EEA1: variants seen among roughly 807,000 people sequenced by gnomAD.
EEA1 encodes early endosome antigen 1, also known as early endosome antigen 1, 162kD.
EEA1 carries 111 observed loss-of-function variants against 209.2 expected under a neutral mutation model. The ratio of observed to expected loss-of-function variants is 0.53; its 90% CI spans 0.45 to 0.62. The LOEUF is 0.62. Among genes scored for constraint, EEA1 ranks in the 20% least tolerant of loss-of-function variants. The pLI is 0.00. For synonymous variants in EEA1, 536 were observed against 540.6 expected (o/e 0.99, Z 0.12); for missense variants, 1,343 against 1,530.8 (o/e 0.88, Z 2.05).
At chr12:92,834,262 G>T (rs1023481811) in intron 10 of EEA1, among the ~76,000 whole-genome samples, 2 of 152,016 alleles carry the variant, frequency 1.3e-5, no homozygotes, top group African/African-American at 4.8e-5. Flanking sequence ...GTATAAGAGA[G>T]GCCAGGTGCA....
intron 1 of EEA1, among the ~76,000 whole-genome samples, chr12:92,899,780 G>C (rs1003427712): frequency 5.9e-5 from 9 of 152,156 alleles, no homozygotes; most frequent in African/African-American, 2.2e-4. Flanking sequence ...CATTTTCTTT[G>C]TCCTTACAAT....
chr12:92,853,389 G>A (rs368681150), intron 6 of EEA1, among the ~76,000 whole-genome samples: 1 of 151,940 alleles, frequency 6.6e-6, no homozygotes, highest in African/African-American at 2.4e-5. Context: ...ATGTTACGGA[G>A]GCTGATCTTA....
intron 13 of EEA1, among the ~76,000 whole-genome samples, chr12:92,825,850 T>C (rs11106711): frequency 0.021 from 3,205 of 150,044 alleles, 58 homozygotes; most frequent in Middle Eastern, 0.043. Flanking sequence ...ACTAAACTGA[T>C]TTAATAGATA....
chr12:92,915,919 A>T (rs1183742145), intron 1 of EEA1, among the ~76,000 whole-genome samples: 1 of 152,208 alleles, frequency 6.6e-6, no homozygotes, highest in Non-Finnish European at 1.5e-5. Flanking sequence ...GTTATTAGTT[A>T]CATGAAAATA....
At chr12:92,897,012 C>CA (rs1879913066) in intron 1 of EEA1, among the ~76,000 whole-genome samples, 1 of 151,152 alleles carries the variant, frequency 6.6e-6, no homozygotes, top group South Asian at 2.1e-4. Flanking sequence ...CCATCTCTAC[C>CA]AAAAAAATAC....
rs1873925576 is a variant in EEA1, at chr12:92,781,985, G to A, written c.3301C>T (p.Arg1101Ter). ...SAKKEQQLQE[R>*]CKALQDIQKE... ...TGAATGTCTTGTAGTGCTTTACATC[G>A]CTCCTGCAATTGCTGTTCTTTCTTT... is the stretch of plus-strand genomic sequence containing the variant. Residue 1101 changes from arginine (R) to a stop codon, truncating the protein, a stop_gained, in exon 23 of 29, where the codon CGA (arginine) becomes TGA (stop). Coordinates refer to ENST00000322349, the MANE Select transcript of EEA1 (RefSeq NM_003566.4). LOFTEE classifies it high-confidence loss of function. 2 of 1,612,724 alleles carry A rather than the reference G, an allele frequency of 1.2e-6. No individual in the cohort carries two copies. Among genetic ancestry groups the A allele is most frequent in the African/African-American group, 1.3e-5 (1 of 74,980 alleles).
chr12:92,906,602 G>A (rs1174704547), intron 1 of EEA1, among the ~76,000 whole-genome samples: 7 of 152,144 alleles, frequency 4.6e-5, no homozygotes, highest in African/African-American at 1.7e-4. Context: ...CACGAGGTCA[G>A]GAGATCGAGA....
In EEA1 at chr12:92,807,174, G is replaced by A. The variant is rs371114753; in HGVS notation, c.2339+1843C>T. Among the ~76,000 whole-genome samples, 8 of 151,960 alleles carry A rather than the reference G, an allele frequency of 5.3e-5. No individual in the cohort carries two copies. The East Asian group carries it at 5.8e-4, about 11-fold the overall frequency. ...TCACCCTGTTGGCCAGGCTGGTCTC[G>A]AACTCCTGACTTCAGATGATCTGCC... On this transcript the variant is annotated intron_variant, in intron 18 of 28. Transcript: ENST00000322349.
At chr12:92,826,047 T>C (rs941390211) in intron 13 of EEA1, 119 bp downstream of exon 13, 7 of 1,093,416 alleles carry the variant, frequency 6.4e-6, no homozygotes, top group Non-Finnish European at 8.6e-6. Flanking sequence ...TTGTACTTTC[T>C]AGTTTTACCA....
intron 2 of EEA1, among the ~76,000 whole-genome samples, chr12:92,890,565 C>G (rs1879618339): frequency 6.6e-6 from 1 of 152,160 alleles, no homozygotes; most frequent in African/African-American, 2.4e-5. Context: ...TTGCCAGGCA[C>G]TGCTCAATAC....
At chr12:92,778,755 C>T (rs1195424650) in intron 25 of EEA1, among the ~76,000 whole-genome samples, 4 of 151,984 alleles carry the variant, frequency 2.6e-5, no homozygotes, top group Non-Finnish European at 4.4e-5. Flanking sequence ...CTCAAGTTTC[C>T]GCTCCCCCTT....
Position 92,864,914 on chromosome 12 carries a change from T to G in EEA1, c.191A>C (p.His64Pro). ...ATGACCTGAGTCATTACCAGCATCA[T>G]GAACAGCTTCATAATGTTTGAAAAG... ...DELFKHYEAV[H>P]DAGNDSGHGG... Residue 64 changes from histidine to proline, a missense_variant, in exon 3 of 29, where the codon CAT (histidine) becomes CCT (proline). Physicochemically the swap from His to Pro is moderately conservative, Grantham distance 77. Coordinates refer to ENST00000322349, the MANE Select transcript of EEA1 (RefSeq NM_003566.4). 6.2e-7 allele frequency: 1 copy of G among 1,611,290 alleles called. No homozygotes were observed. Among genetic ancestry groups the G allele is most frequent in the Non-Finnish European group, 8.5e-7 (1 of 1,178,798 alleles).
intron 2 of EEA1, among the ~76,000 whole-genome samples, chr12:92,866,447 T>C (rs993887685): frequency 6.6e-6 from 1 of 151,912 alleles, no homozygotes; most frequent in African/African-American, 2.4e-5. Flanking sequence ...CAAGTAAATA[T>C]ATTATAACTT....
intron 1 of EEA1, among the ~76,000 whole-genome samples, chr12:92,903,354 T>C (rs1440987077): frequency 2.0e-5 from 3 of 151,798 alleles, no homozygotes; most frequent in African/African-American, 7.3e-5. Context: ...TCCCAGCACT[T>C]TGGGAGGCTG....
chr12:92,864,030 AC>A (rs1324321476), intron 3 of EEA1, among the ~76,000 whole-genome samples: 1 of 152,204 alleles, frequency 6.6e-6, no homozygotes, highest in Non-Finnish European at 1.5e-5. Context: ...ACATAAAAAT[AC>A]CCGAGAGCAT....
chr12:92,879,511 T>C, intron 2 of EEA1: 1 of 234,246 alleles, frequency 4.3e-6, no homozygotes. Context: ...GGAAAAGCAT[T>C]TGGCAATATT....
At chr12:92,805,632 A>G (rs1390521353) in intron 18 of EEA1, among the ~76,000 whole-genome samples, 6 of 152,220 alleles carry the variant, frequency 3.9e-5, no homozygotes, top group African/African-American at 1.2e-4. Flanking sequence ...TTATCCATCA[A>G]AATAATGGTG....
intron 2 of EEA1, among the ~76,000 whole-genome samples, chr12:92,870,420 G>A (rs988772177): frequency 2.6e-5 from 4 of 152,086 alleles, no homozygotes; most frequent in African/African-American, 9.7e-5. Context: ...CCTGAAAATG[G>A]GCAGCGCTTC....
At chr12:92,862,928 A>C (rs1474289343) in intron 3 of EEA1, among the ~76,000 whole-genome samples, 1 of 152,174 alleles carries the variant, frequency 6.6e-6, no homozygotes, top group Non-Finnish European at 1.5e-5. Context: ...AAACAGAAAA[A>C]ACTCTGTTTT....
Sources: gnomAD v4.1 joint callset for allele counts (sites outside exome capture counted in the v4.1 genomes callset) on GRCh38, gnomAD v4.1.1 for gene constraint, MANE v1.5 for transcripts, NCBI Gene and HGNC (gene_info 2026-07-23, HGNC 2026-07-21) for gene names.